ACCSL: variants seen among roughly 807,000 people sequenced by gnomAD.
ACCSL encodes the protein 1-aminocyclopropane-1-carboxylate synthase homolog (inactive) like, also known as probable inactive 1-aminocyclopropane-1-carboxylate synthase-like protein 2.
ACCSL carries 55 observed loss-of-function variants against 61.7 expected under a neutral mutation model. That is an observed-to-expected ratio of 0.89 (90% CI 0.72 to 1.12). The LOEUF (loss-of-function observed/expected upper bound fraction) is 1.12, where lower values mean the gene tolerates loss of function less well. Ranked by LOEUF, ACCSL falls within the 50% of genes most tolerant of loss-of-function variation. ACCSL has a pLI of 0.00. For synonymous variants in ACCSL, 258 were observed against 264.3 expected, an observed-to-expected ratio of 0.98 and a Z score of 0.23; for missense variants, 632 against 698.0, an observed-to-expected ratio of 0.91 and a Z score of 1.07.
At chr11:43,958,937 C>T in the ACCSL span, among the ~76,000 whole-genome samples, 2 of 152,092 alleles carry the variant, frequency 1.3e-5, no homozygotes, top group Middle Eastern at 3.2e-3. Flanking sequence ...TCCAAGATGG[C>T]GTCCTGTTGC....
the ACCSL span, among the ~76,000 whole-genome samples, chr11:43,941,507 A>C: frequency 6.6e-6 from 1 of 152,186 alleles, no homozygotes; most frequent in African/African-American, 2.4e-5. Context: ...TCAGTGCCCC[A>C]CATCTCAAGC....
chr11:44,052,576 C>A, intron 5 of ACCSL, 86 bp from the exon 6 acceptor site: 1 of 1,159,794 alleles, frequency 8.6e-7, no homozygotes, highest in Non-Finnish European at 1.3e-6. Context: ...TTTTTTCTGT[C>A]GATAGCTTTG....
the ACCSL span, among the ~76,000 whole-genome samples, chr11:43,984,523 A>G: frequency 1.3e-5 from 2 of 152,208 alleles, no homozygotes; most frequent in Admixed American, 1.3e-4. Flanking sequence ...GCAACTCCAC[A>G]TATGCTTGAC....
chr11:43,952,159 TATTTAGTC>T, the ACCSL span, among the ~76,000 whole-genome samples: 1 of 152,168 alleles, frequency 6.6e-6, no homozygotes, highest in African/African-American at 2.4e-5. Flanking sequence ...GTGTACAGAT[TATTTAGTC>T]ACTCAGATAA....
At chr11:43,962,152 G>A in the ACCSL span, among the ~76,000 whole-genome samples, 1 of 152,088 alleles carries the variant, frequency 6.6e-6, no homozygotes, top group African/African-American at 2.4e-5. Context: ...TTTGCCCTAA[G>A]AAATATAAAA....
chr11:43,999,971 A>G, the ACCSL span, among the ~76,000 whole-genome samples: 3 of 152,348 alleles, frequency 2.0e-5, no homozygotes, highest in Admixed American at 1.3e-4. Flanking sequence ...TAAGTAATCT[A>G]GAGATGACTT....
chr11:43,991,056 G>GT, the ACCSL span, among the ~76,000 whole-genome samples: 3 of 151,780 alleles, frequency 2.0e-5, no homozygotes, highest in Non-Finnish European at 4.4e-5. Context: ...GGGCAACAGA[G>GT]TGAGACTGTG....
At chr11:43,962,036 G>A in the ACCSL span, among the ~76,000 whole-genome samples, 1 of 151,948 alleles carries the variant, frequency 6.6e-6, no homozygotes, top group East Asian at 1.9e-4. Context: ...TGTGCATTTT[G>A]TCCCATTCTT....
At chr11:44,042,193 G>A in the ACCSL span, among the ~76,000 whole-genome samples, 29 of 152,192 alleles carry the variant, frequency 1.9e-4, no homozygotes, top group East Asian at 2.1e-3. Flanking sequence ...AAAGTATGGG[G>A]TTTTTCTTCT....
the ACCSL span, among the ~76,000 whole-genome samples, chr11:43,955,318 C>A: frequency 1.3e-5 from 2 of 152,146 alleles, no homozygotes; most frequent in African/African-American, 4.8e-5. Flanking sequence ...TTATAAAGAG[C>A]AGAAATTTAT....
At chr11:44,039,810 C>T in the ACCSL span, among the ~76,000 whole-genome samples, 1 of 152,228 alleles carries the variant, frequency 6.6e-6, no homozygotes, top group Non-Finnish European at 1.5e-5. Flanking sequence ...CTACAGGCTG[C>T]CTTGGCCTTG....
the ACCSL span, among the ~76,000 whole-genome samples, chr11:43,971,178 C>T: frequency 6.7e-6 from 1 of 150,286 alleles, no homozygotes; most frequent in Admixed American, 6.7e-5. Context: ...ACTAAAAATA[C>T]AAAAATTAGC....
At chr11:44,042,626 GTTT>G in the ACCSL span, among the ~76,000 whole-genome samples, 1 of 40,328 alleles carries the variant, frequency 2.5e-5, no homozygotes, top group African/African-American at 1.2e-4. Context: ...CTTCCTGGTT[GTTT>G]TTTTTTTGTT....
At chr11:43,964,516 T>C in the ACCSL span, among the ~76,000 whole-genome samples, 3 of 151,730 alleles carry the variant, frequency 2.0e-5, no homozygotes, top group African/African-American at 7.2e-5. Flanking sequence ...ACTGATGATT[T>C]CCACCAAACA....
At chr11:43,933,016 A>G in the ACCSL span, 1 of 453,408 alleles carries the variant, frequency 2.2e-6, no homozygotes, top group South Asian at 1.6e-5. Context: ...GGGGCTTGGT[A>G]CTACCTGGGA....
the ACCSL span, among the ~76,000 whole-genome samples, chr11:43,921,558 C>G: frequency 6.6e-6 from 1 of 152,170 alleles, no homozygotes; most frequent in Non-Finnish European, 1.5e-5. Flanking sequence ...GGTGATACAG[C>G]CAGCTTTGGT....
the ACCSL span, among the ~76,000 whole-genome samples, chr11:43,940,929 A>G: frequency 6.6e-6 from 1 of 152,226 alleles, no homozygotes; most frequent in African/African-American, 2.4e-5. Flanking sequence ...CTGGGGTTTG[A>G]ATCTCAGCTC....
the ACCSL span, among the ~76,000 whole-genome samples, chr11:44,029,102 C>T: frequency 6.6e-6 from 1 of 152,236 alleles, no homozygotes; most frequent in Non-Finnish European, 1.5e-5. Context: ...GCCTCTGCAA[C>T]AGCATCTTTT....
rs773825632 is a variant in ACCSL, at chr11:44,048,474, T to C, written c.438T>C (p.Tyr146=). 1.2e-6 allele frequency: 2 copies of C among 1,610,416 alleles called. No individual in the cohort carries two copies. The change falls in exon 1 of 14, where the codon TAT becomes TAC. Residue 146 remains tyrosine, a synonymous_variant. Coordinates refer to ENST00000378832, the MANE Select transcript of ACCSL (RefSeq NM_001031854.2). The stretch of plus-strand genomic sequence containing the variant: ...GTGGGATTGACATCTCTGTCTTTTA[T>C]CAGTCGAGCTTCCAGGACTACAATG... ...SIRGIDISVF[Y]QSSFQDYNAY...
Sources: gnomAD v4.1 joint callset for allele counts (sites outside exome capture counted in the v4.1 genomes callset) on GRCh38, gnomAD v4.1.1 for gene constraint, MANE v1.5 for transcripts, NCBI Gene and HGNC (gene_info 2026-07-23, HGNC 2026-07-21) for gene names.